MAF: variants seen among roughly 807,000 people sequenced by gnomAD.
MAF encodes the protein MAF bZIP transcription factor, also known as transcription factor Maf.
MAF carries 10 observed loss-of-function variants against 22.0 expected under a neutral mutation model. The ratio of observed to expected loss-of-function variants is 0.45; its 90% CI spans 0.28 to 0.77. The LOEUF (loss-of-function observed/expected upper bound fraction) is 0.77, where lower values mean the gene tolerates loss of function less well. Ranked by LOEUF, MAF falls within the 30% of genes least tolerant of loss-of-function variation. The probability of loss-of-function intolerance (pLI) is 0.12; values close to 1 mark genes in which losing one functional copy is unlikely to be tolerated. For missense variants in MAF, 544 were observed against 548.4 expected, an observed-to-expected ratio of 0.99 and a Z score of 0.08; for synonymous variants, 337 against 255.8, an observed-to-expected ratio of 1.32 and a Z score of -3.03.
At chr16:79,290,346 G>A in the MAF span, among the ~76,000 whole-genome samples, 12 of 152,168 alleles carry the variant, frequency 7.9e-5, no homozygotes, top group Non-Finnish European at 1.5e-4. Context: ...CGGGCTCTGC[G>A]GCAAATTATC....
chr16:79,434,957 C>A, the MAF span, among the ~76,000 whole-genome samples: 9 of 152,112 alleles, frequency 5.9e-5, no homozygotes, highest in Non-Finnish European at 1.2e-4. Context: ...TGGTCTGCGA[C>A]TGGTGATGAG....
the MAF span, among the ~76,000 whole-genome samples, chr16:79,265,171 T>C: frequency 4.7e-3 from 713 of 152,324 alleles, 7 homozygotes; most frequent in African/African-American, 0.016. Context: ...TTATTCAAGA[T>C]CCATTAATTT....
chr16:79,282,595 A>G, the MAF span, among the ~76,000 whole-genome samples: 8 of 152,222 alleles, frequency 5.3e-5, no homozygotes. Flanking sequence ...CTACGGTAAC[A>G]GAATGAACTC....
the MAF span, among the ~76,000 whole-genome samples, chr16:79,225,595 C>T: frequency 6.6e-6 from 1 of 152,066 alleles, no homozygotes; most frequent in Non-Finnish European, 1.5e-5. Flanking sequence ...AGGAAACCTA[C>T]AGAATGGGAG....
rs1456467683 is a variant in MAF, at chr16:79,594,485, A to G, written c.1187T>C (p.Val396Ala). The change falls in exon 2 of 2, where the codon GTA becomes GCA. Residue 396 changes from valine (V) to alanine (A), a missense_variant. Physicochemically the swap from Val to Ala is moderately conservative, Grantham distance 64 (BLOSUM62 0). This residue lies in a region of MAF where 129 missense variants were observed against 113.6 expected (regional missense o/e 1.14). Coordinates refer to ENST00000326043, the MANE Select transcript of MAF (RefSeq NM_005360.5). Reference sequence around the variant, plus strand: ...TCATTTTGTGAACACACTGGTAAGTACACGATGCTGGGGCTTCCAAAATGT... The same window carrying G: ...TCATTTTGTGAACACACTGGTAAGTGCACGATGCTGGGGCTTCCAAAATGT... Reference protein sequence around the residue: ...YATFWKPQHRVLTSVFTK With the variant: ...YATFWKPQHRALTSVFTK 1 of 1,564,174 alleles carries G rather than the reference A, an allele frequency of 6.4e-7. No homozygotes were observed. Among genetic ancestry groups the G allele is most frequent in the East Asian group, 2.3e-5 (1 of 42,670 alleles).
At chr16:79,560,867 G>T in the MAF span, among the ~76,000 whole-genome samples, 6 of 152,156 alleles carry the variant, frequency 3.9e-5, no homozygotes, top group Non-Finnish European at 5.9e-5. Context: ...GCGGGAAATA[G>T]GGGGAACACA....
the MAF span, among the ~76,000 whole-genome samples, chr16:79,247,474 C>T: frequency 6.6e-6 from 1 of 152,168 alleles, no homozygotes; most frequent in South Asian, 2.1e-4. Flanking sequence ...CAGTTGAATC[C>T]AGCCTGATTC....
the MAF span, among the ~76,000 whole-genome samples, chr16:79,268,616 A>G: frequency 6.6e-6 from 1 of 152,246 alleles, no homozygotes; most frequent in African/African-American, 2.4e-5. Context: ...TAAGGAAGAA[A>G]CAATGGCATT....
At chr16:79,359,415 G>C in the MAF span, among the ~76,000 whole-genome samples, 4 of 152,230 alleles carry the variant, frequency 2.6e-5, no homozygotes, top group Non-Finnish European at 5.9e-5. Flanking sequence ...ATGACTTTTT[G>C]CTGAAGAATA....
the MAF span, among the ~76,000 whole-genome samples, chr16:79,532,495 C>A: frequency 6.6e-6 from 1 of 152,248 alleles, no homozygotes; most frequent in Admixed American, 6.5e-5. Context: ...AGGTGGTCAA[C>A]TGCTCAGTAG....
the MAF span, among the ~76,000 whole-genome samples, chr16:79,257,284 C>T: frequency 1.3e-5 from 2 of 152,084 alleles, no homozygotes; most frequent in Non-Finnish European, 2.9e-5. Context: ...TGTCAGTTTC[C>T]TGGTCTTGTG....
At chr16:79,420,761 G>A in the MAF span, among the ~76,000 whole-genome samples, 1 of 152,230 alleles carries the variant, frequency 6.6e-6, no homozygotes, top group Non-Finnish European at 1.5e-5. Context: ...TTGACGCGGT[G>A]GCTCATGCCT....
chr16:79,385,101 T>A, the MAF span, among the ~76,000 whole-genome samples: 2 of 152,180 alleles, frequency 1.3e-5, no homozygotes, highest in African/African-American at 4.8e-5. Flanking sequence ...TAGACATAGG[T>A]GGATTTTTTT....
chr16:79,232,911 G>A, the MAF span, among the ~76,000 whole-genome samples: 1 of 148,462 alleles, frequency 6.7e-6, no homozygotes, highest in African/African-American at 2.5e-5. Context: ...CACCATCTTG[G>A]CTCACTGCAA....
At chr16:79,371,669 G>T in the MAF span, among the ~76,000 whole-genome samples, 2 of 152,118 alleles carry the variant, frequency 1.3e-5, no homozygotes, top group Admixed American at 1.3e-4. Context: ...CCCATGGTTA[G>T]TTCCTCCTCA....
chr16:79,414,940 A>T, the MAF span, among the ~76,000 whole-genome samples: 2 of 152,234 alleles, frequency 1.3e-5, no homozygotes, highest in Non-Finnish European at 2.9e-5. Flanking sequence ...GGTGTCCCCA[A>T]TCACTGAGGC....
At chr16:79,583,168 G>A (rs937477390), downstream of MAF, among the ~76,000 whole-genome samples, 2 of 152,154 alleles carry the variant, frequency 1.3e-5, no homozygotes, top group Non-Finnish European at 2.9e-5. Context: ...ATGATTACGG[G>A]CAACACAGAA....
the MAF span, among the ~76,000 whole-genome samples, chr16:79,379,131 T>G: frequency 0.043 from 6,471 of 152,240 alleles, 277 homozygotes; most frequent in East Asian, 0.18. Context: ...ATAATTTGGG[T>G]AAGATCTCTG....
the MAF span, among the ~76,000 whole-genome samples, chr16:79,278,867 A>T: frequency 1.3e-5 from 2 of 152,062 alleles, no homozygotes; most frequent in African/African-American, 2.4e-5. Flanking sequence ...GGCACAGCCT[A>T]CTGAACACGT....
Sources: allele counts gnomAD v4.1 joint callset (sites outside exome capture counted in the v4.1 genomes callset), GRCh38; gene constraint gnomAD v4.1.1; regional missense constraint gnomAD v4.1.1; transcripts MANE v1.5; gene names NCBI Gene and HGNC (gene_info 2026-07-23, HGNC 2026-07-21).